The following SLC8A1 variants were observed in gnomAD, a reference collection of about 807,000 sequenced individuals.
The protein encoded by SLC8A1 is solute carrier family 8 member A1.
SLC8A1 carries 18 observed loss-of-function variants against 68.3 expected under a neutral mutation model. That is an observed-to-expected ratio of 0.26 (90% confidence interval 0.18 to 0.39). SLC8A1 has a LOEUF of 0.39. Ranked by LOEUF, SLC8A1 falls within the 10% of genes least tolerant of loss-of-function variation. The pLI, the probability that SLC8A1 is intolerant of heterozygous loss-of-function variation, is 1.00. For synonymous variants in SLC8A1, 475 were observed against 415.5 expected (o/e 1.14, Z -1.74); for missense variants, 985 against 1,156.7 (o/e 0.85, Z 2.15).
chr2:40,259,770 T>A (rs573799367), intron 2 of SLC8A1, among the ~76,000 whole-genome samples: 1 of 152,232 alleles, frequency 6.6e-6, no homozygotes, highest in Non-Finnish European at 1.5e-5. Context: ...TTTAAAACAA[T>A]AGTCTTTTTA....
At chr2:40,109,228 C>T (rs1344416020) in exon 8 of SLC8A1, 3 of 152,118 alleles carry the variant, frequency 2.0e-5, no homozygotes, top group Non-Finnish European at 4.4e-5. Context: ...ATAGTACCCA[C>T]AGAGAAGCAT....
chr2:40,105,632 C>G (rs1428891320), exon 8 of SLC8A1: 1 of 152,140 alleles, frequency 6.6e-6, no homozygotes, highest in African/African-American at 2.4e-5. Flanking sequence ...AAAAATTGGT[C>G]ACGGCAACAA....
chr2:40,335,160 C>A (rs1303073213), intron 2 of SLC8A1, among the ~76,000 whole-genome samples: 1 of 152,166 alleles, frequency 6.6e-6, no homozygotes, highest in Non-Finnish European at 1.5e-5. Flanking sequence ...TATAGATATA[C>A]AATATCCGTA....
chr2:40,320,000 C>CT (rs546748752), intron 2 of SLC8A1, among the ~76,000 whole-genome samples: 12 of 152,160 alleles, frequency 7.9e-5, no homozygotes, highest in South Asian at 2.1e-4. Context: ...CCTTTTAAAG[C>CT]TGTTACATGG....
At chr2:40,484,304 G>C (rs1300918352) in intron 1 of SLC8A1, among the ~76,000 whole-genome samples, 3 of 152,156 alleles carry the variant, frequency 2.0e-5, no homozygotes, top group Non-Finnish European at 2.9e-5. Context: ...GTGCCATTTG[G>C]AAGGACTGGC....
intron 2 of SLC8A1, among the ~76,000 whole-genome samples, chr2:40,253,102 CA>C (rs2063193199): frequency 9.4e-6 from 1 of 106,822 alleles, no homozygotes; most frequent in Admixed American, 1.1e-4. Context: ...AGTATATATA[CA>C]TATATACGTG....
intron 2 of SLC8A1, among the ~76,000 whole-genome samples, chr2:40,383,764 A>T (rs1682684782): frequency 6.6e-6 from 1 of 152,144 alleles, no homozygotes; most frequent in Non-Finnish European, 1.5e-5. Context: ...AAAGGTACAG[A>T]TCCACAGAAG....
intron 2 of SLC8A1, among the ~76,000 whole-genome samples, chr2:40,233,389 G>A (rs1183179868): frequency 1.3e-5 from 2 of 151,348 alleles, no homozygotes; most frequent in South Asian, 2.1e-4. Flanking sequence ...CTGCATAAAT[G>A]TCTTCTTTTG....
chr2:40,150,539 C>T (rs532149645), intron 6 of SLC8A1, among the ~76,000 whole-genome samples: 3 of 152,272 alleles, frequency 2.0e-5, no homozygotes, highest in South Asian at 2.1e-4. Flanking sequence ...TGCAGCAGCC[C>T]ATGCCAACAA....
intron 2 of SLC8A1, chr2:40,177,859 T>C: frequency 1.3e-6 from 2 of 1,539,996 alleles, no homozygotes; most frequent in South Asian, 1.2e-5. Flanking sequence ...GATCTTCCTG[T>C]GGGAACACAA....
intron 2 of SLC8A1, among the ~76,000 whole-genome samples, chr2:40,418,735 A>G (rs1281744418): frequency 6.6e-6 from 1 of 152,166 alleles, no homozygotes; most frequent in Non-Finnish European, 1.5e-5. Flanking sequence ...TATTGCCATG[A>G]AAAACGAATC....
chr2:40,388,761 C>T (rs2041763), intron 2 of SLC8A1, among the ~76,000 whole-genome samples: 56,623 of 151,936 alleles, frequency 0.37, 11,653 homozygotes, highest in Non-Finnish European at 0.46. Context: ...CTAAAACATT[C>T]TGTTAATTTT....
chr2:40,142,639 C>T (rs911593062), intron 6 of SLC8A1, among the ~76,000 whole-genome samples: 6 of 152,016 alleles, frequency 3.9e-5, no homozygotes, highest in African/African-American at 7.2e-5. Flanking sequence ...AGAAGAAATG[C>T]CATTTATAAA....
intron 2 of SLC8A1, among the ~76,000 whole-genome samples, chr2:40,378,805 T>C (rs1283971441): frequency 1.3e-5 from 2 of 152,130 alleles, no homozygotes; most frequent in African/African-American, 2.4e-5. Flanking sequence ...CACTTCTCTC[T>C]TTAAAATGGC....
At chr2:40,189,831 T>C (rs1026053462) in intron 2 of SLC8A1, 1 of 152,194 alleles carries the variant, frequency 6.6e-6, no homozygotes, top group Non-Finnish European at 1.5e-5. Context: ...AAAGTTTATT[T>C]TCCCGACAAT....
chr2:40,199,956 C>T (rs1026941130), intron 2 of SLC8A1, among the ~76,000 whole-genome samples: 4 of 150,368 alleles, frequency 2.7e-5, no homozygotes, highest in Non-Finnish European at 4.4e-5. Flanking sequence ...GTTAAAATTA[C>T]ATTGTTTTCA....
At chr2:40,431,785 A>C (rs1698367259) in intron 1 of SLC8A1, among the ~76,000 whole-genome samples, 1 of 151,826 alleles carries the variant, frequency 6.6e-6, no homozygotes, top group African/African-American at 2.4e-5. Flanking sequence ...ATTCGCCTAC[A>C]CTCTCTGGCT....
chr2:40,156,500 AAAAG>A (rs10611760), intron 6 of SLC8A1, among the ~76,000 whole-genome samples: 145,247 of 151,770 alleles, frequency 0.96, 69,756 homozygotes, highest in Non-Finnish European at 1. Context: ...AACATTAGGT[AAAAG>A]AAAGAGGGAG....
At chr2:40,165,007 A>G in intron 4 of SLC8A1, 23 bp from the exon 8 acceptor site, 10 of 1,613,240 alleles carry the variant, frequency 6.2e-6, no homozygotes, top group Non-Finnish European at 8.5e-6. Flanking sequence ...AGTATCAGAG[A>G]GTGAGCACTG....
Sources: allele counts gnomAD v4.1 joint callset (sites outside exome capture counted in the v4.1 genomes callset), GRCh38; gene constraint gnomAD v4.1.1; transcripts MANE v1.5; gene names NCBI Gene and HGNC (gene_info 2026-07-23, HGNC 2026-07-21).